DPY19L4: variants seen among roughly 807,000 people sequenced by gnomAD.
DPY19L4 encodes dpy-19 like 4, also known as probable C-mannosyltransferase DPY19L4.
In DPY19L4, 97 loss-of-function variants were observed where a neutral mutation model predicts 102.8. The ratio of observed to expected loss-of-function variants is 0.94; its 90% CI spans 0.80 to 1.12. The LOEUF (loss-of-function observed/expected upper bound fraction) is 1.12. Ranked by LOEUF, DPY19L4 falls within the 50% of genes most tolerant of loss-of-function variation. The pLI is 0.00. For missense variants in DPY19L4, 815 were observed against 850.4 expected (o/e 0.96, Z 0.52); for synonymous variants, 252 against 283.1 (o/e 0.89, Z 1.10).
intron 2 of DPY19L4, among the ~76,000 whole-genome samples, chr8:94,732,811 C>CTTTTTTTTTTTTTTTTTTTT (rs10624368): frequency 7.8e-6 from 1 of 128,102 alleles, no homozygotes. Context: ...CTTTTTCTTT[C>CTTTTTTTTTTTTTTTTTTTT]TTTTTTTTTT....
intron 2 of DPY19L4, among the ~76,000 whole-genome samples, chr8:94,731,139 T>C (rs868714211): frequency 1.3e-4 from 19 of 151,938 alleles, no homozygotes; most frequent in South Asian, 4.2e-4. Flanking sequence ...TAATAGTTCC[T>C]GATAAGTAGG....
At chr8:94,786,786 G>A (rs1436843418) in intron 17 of DPY19L4, among the ~76,000 whole-genome samples, 1 of 152,038 alleles carries the variant, frequency 6.6e-6, no homozygotes, top group Non-Finnish European at 1.5e-5. Flanking sequence ...GATCTCAAGT[G>A]ATCCGCCTCC....
At chr8:94,764,689 G>GTGTGTGTGTGTATATATATATA (rs1415377058) in intron 8 of DPY19L4, among the ~76,000 whole-genome samples, 5 of 43,212 alleles carry the variant, frequency 1.2e-4, no homozygotes, top group South Asian at 9.2e-4. Context: ...GTCTGTGTGT[G>GTGTGTGTGTGTATATATATATA]TATATATATA....
intron 14 of DPY19L4, among the ~76,000 whole-genome samples, chr8:94,779,978 A>T (rs1274458656): frequency 6.6e-6 from 1 of 151,924 alleles, no homozygotes; most frequent in African/African-American, 2.4e-5. Context: ...TCTTGTGTTA[A>T]TTCATTGTTT....
rs530770905 is a variant in DPY19L4 at position 94,755,407 on chromosome 8, G to A, written c.612-629G>A. Reference sequence around the variant, plus strand: ...GGTTAAGGGAAGGGAGGGTGGGGCTGAAATCTGGGGTACTCTGTGCAACAA... The same window carrying A: ...GGTTAAGGGAAGGGAGGGTGGGGCTAAAATCTGGGGTACTCTGTGCAACAA... On this transcript the variant is annotated intron_variant, in intron 6 of 18. Transcript: ENST00000414645. Among the ~76,000 whole-genome samples the A allele has an allele frequency of 1.2e-3, 188 of 152,266 alleles. 1 individual carries two copies. Among genetic ancestry groups the A allele is most frequent in the African/African-American group, 4.0e-3 (167 of 41,554 alleles).
At position 94,791,777 on chromosome 8, in the gene DPY19L4, T is replaced by C. The variant is rs1813894829; in HGVS notation, c.*1867T>C. The C allele has an allele frequency of 6.6e-6, 1 of 152,150 alleles. No individual in the cohort carries two copies. The highest frequency in any genetic ancestry group is 1.5e-5 in the Non-Finnish European group (1 of 68,024). 9.4% of individuals were successfully genotyped at this position (152,150 alleles called of 1,614,324 possible). Reference sequence around the variant, plus strand: ...TGGTACTTGTGTTTTGTTTGACATATTAGTAAGTTGCTTTTGCTTCTTTCT... The same window carrying C: ...TGGTACTTGTGTTTTGTTTGACATACTAGTAAGTTGCTTTTGCTTCTTTCT... On this transcript the variant is annotated 3_prime_UTR_variant, in exon 19 of 19. Coordinates refer to ENST00000414645, the MANE Select transcript of DPY19L4 (RefSeq NM_181787.3).
chr8:94,767,580 C>T (rs879851740), intron 11 of DPY19L4, among the ~76,000 whole-genome samples: 3 of 152,164 alleles, frequency 2.0e-5, no homozygotes, highest in Non-Finnish European at 4.4e-5. Flanking sequence ...GCGTGAGCCA[C>T]CTTGCCTGGC....
intron 16 of DPY19L4, 69 bp downstream of exon 16, chr8:94,781,235 C>T (rs1211366164): frequency 8.0e-7 from 1 of 1,242,838 alleles, no homozygotes; most frequent in African/African-American, 1.6e-5. Context: ...CTAATGAATT[C>T]ACAGGAAATA....
intron 12 of DPY19L4, among the ~76,000 whole-genome samples, chr8:94,768,817 C>T (rs905507971): frequency 7.2e-5 from 11 of 151,762 alleles, no homozygotes; most frequent in African/African-American, 2.7e-4. Flanking sequence ...TATGGTGAAA[C>T]CCCATCTCTA....
At chr8:94,775,371 C>T (rs1813131487) in intron 13 of DPY19L4, among the ~76,000 whole-genome samples, 1 of 152,114 alleles carries the variant, frequency 6.6e-6, no homozygotes, top group African/African-American at 2.4e-5. Context: ...GGGGTTTCAC[C>T]TTGTTGGCCA....
intron 13 of DPY19L4, among the ~76,000 whole-genome samples, chr8:94,775,564 T>C: frequency 6.6e-6 from 1 of 152,210 alleles, no homozygotes; most frequent in East Asian, 1.9e-4. Flanking sequence ...TGGCTTCAAA[T>C]GATCCTACTG....
rs186393352 is a variant in DPY19L4, at chr8:94,788,882, C to T, written c.2007+830C>T. 7.0e-4 allele frequency among the ~76,000 whole-genome samples: 106 copies of T among 152,352 alleles called. 1 individual carries two copies. Among genetic ancestry groups the T allele is most frequent in the African/African-American group, 2.3e-3 (96 of 41,582 alleles). On this transcript the variant is annotated intron_variant, in intron 18 of 18. Coordinates refer to ENST00000414645, the MANE Select transcript of DPY19L4 (RefSeq NM_181787.3). ...CATAGCTCTTTGTCTTATCCAAGAT[C>T]AGTTTGGAGGTAAGAAATTACTTTT...
At chr8:94,761,549 T>C (rs1419618696) in intron 7 of DPY19L4, 151 bp from the exon 8 acceptor site, 2 of 670,478 alleles carry the variant, frequency 3.0e-6, no homozygotes, top group Non-Finnish European at 4.2e-6. Flanking sequence ...AAGGATTTAA[T>C]AATAATTATG....
intron 8 of DPY19L4, among the ~76,000 whole-genome samples, chr8:94,764,681 C>G (rs372206994): frequency 0.029 from 2,063 of 70,000 alleles, 116 homozygotes; most frequent in African/African-American, 0.12. Context: ...GTGTGTGTGT[C>G]TGTGTGTGTA....
chr8:94,768,555 T>C lies in DPY19L4; in HGVS notation c.1334+2T>C. ...GCAAGTTATTTTTAGGAGGATTAAG[T>C]AAGTACCTATGAGAATCAATCATAT... On this transcript the variant is annotated splice_donor_variant, in intron 12 of 18. Transcript: ENST00000414645. LOFTEE classifies it high-confidence loss of function. The C allele has an allele frequency of 6.9e-7, 1 of 1,443,150 alleles. No individual in the cohort carries two copies. The highest frequency in any genetic ancestry group is 1.2e-5 in the South Asian group (1 of 80,522). The allele number at this position is 1,443,150 out of a possible 1,614,324, so 89.4% of individuals were successfully genotyped here.
At chr8:94,741,329 C>A (rs181707958) in intron 6 of DPY19L4, among the ~76,000 whole-genome samples, 2 of 151,734 alleles carry the variant, frequency 1.3e-5, no homozygotes, top group Non-Finnish European at 2.9e-5. Flanking sequence ...AAGCATTTAC[C>A]TAACAGTTGT....
chr8:94,787,224 A>G (rs75920635), intron 17 of DPY19L4, among the ~76,000 whole-genome samples: 1,723 of 152,256 alleles, frequency 0.011, 39 homozygotes, highest in African/African-American at 0.039. Flanking sequence ...TCAGTTTCTT[A>G]ACACTTAAAA....
chr8:94,772,439 G>A (rs572618643), intron 13 of DPY19L4, among the ~76,000 whole-genome samples: 1 of 152,336 alleles, frequency 6.6e-6, no homozygotes, highest in East Asian at 1.9e-4. Flanking sequence ...AAAAGACACA[G>A]ATTAAAATCA....
Position 94,734,686 on chromosome 8 carries a change from A to G in DPY19L4, c.184A>G (p.Ser62Gly). The G allele has an allele frequency of 6.2e-7, 1 of 1,614,080 alleles. No homozygotes were observed. Among genetic ancestry groups the G allele is most frequent in the Non-Finnish European group, 8.5e-7 (1 of 1,179,986 alleles). ...IFIGCLAAVT[S>G]GMMYALYLSA... is the part of the protein sequence containing the mutation. ...CATTGGCTGTCTTGCAGCGGTTACT[A>G]GTGGTATGATGTATGCTCTCTACTT... Residue 62 changes from serine to glycine, a missense_variant, in exon 3 of 19, where the codon AGT becomes GGT. Transcript: ENST00000414645.
Sources: gnomAD v4.1 joint callset for allele counts (sites outside exome capture counted in the v4.1 genomes callset) on GRCh38, gnomAD v4.1.1 for gene constraint, MANE v1.5 for transcripts, NCBI Gene and HGNC (gene_info 2026-07-23, HGNC 2026-07-21) for gene names.